The following GSE1 variants were observed in gnomAD, a reference collection of about 807,000 sequenced individuals.
GSE1 encodes the protein Gse1 coiled-coil protein, also known as genetic suppressor element 1.
A neutral mutation model predicts 112.6 loss-of-function variants in GSE1; 32 were observed. The ratio of observed to expected loss-of-function variants is 0.28; its 90% CI spans 0.21 to 0.38. The LOEUF is 0.38. Ranked by LOEUF, GSE1 falls within the 10% of genes least tolerant of loss-of-function variation. The pLI, the probability that GSE1 is intolerant of heterozygous loss-of-function variation, is 1.00. For missense variants in GSE1, 2,348 were observed against 1,699.2 expected, an observed-to-expected ratio of 1.38 and a Z score of -6.71; for synonymous variants, 1,115 against 735.6, an observed-to-expected ratio of 1.52 and a Z score of -8.35.
chr16:85,193,868 T>G lies in GSE1; in HGVS notation c.2283+22061T>G, dbSNP rs576841457. Among the ~76,000 whole-genome samples the G allele has an allele frequency of 9.8e-5, 15 of 152,332 alleles. No individual in the cohort carries two copies. In the East Asian group the frequency reaches 2.9e-3, roughly 29 times the overall value. ...TGAATGTTTCCCAGTGGTAACCTTT[T>G]GGGTAACTATAGTACAATGCCACAG... On this transcript the variant is annotated intron_variant, in intron 1 of 2. Coordinates refer to the GSE1 transcript ENST00000637419.
intron 2 of GSE1, among the ~76,000 whole-genome samples, chr16:85,374,759 C>T (rs370693426): frequency 2.6e-5 from 4 of 152,084 alleles, no homozygotes; most frequent in African/African-American, 4.8e-5. Flanking sequence ...AGGAGGGAGG[C>T]GCCCACGCAG....
At chr16:85,392,601 A>T (rs2047867889) in intron 2 of GSE1, among the ~76,000 whole-genome samples, 1 of 152,206 alleles carries the variant, frequency 6.6e-6, no homozygotes, top group Non-Finnish European at 1.5e-5. Flanking sequence ...GTTATATTGA[A>T]AAAGTATTTG....
chr16:85,508,547 C>A (rs1199284036), intron 2 of GSE1, among the ~76,000 whole-genome samples: 1 of 152,190 alleles, frequency 6.6e-6, no homozygotes, highest in East Asian at 1.9e-4. Context: ...TGAGCTTCAG[C>A]CTGGGCCTCC....
rs2050574107 is a variant in GSE1 at position 85,478,915 on chromosome 16, CTTTCTT to C, written c.2464+121274_2464+121279del. Among the ~76,000 whole-genome samples the C allele has an allele frequency of 2.1e-4, 11 of 51,328 alleles. 1 individual carries two copies. Among genetic ancestry groups the C allele is most frequent in the African/African-American group, 9.8e-4 (9 of 9,172 alleles). 33.7% of individuals were successfully genotyped at this position (51,328 alleles called of 152,430 possible). A position where few individuals can be genotyped will look rare whatever the true frequency, so the allele number is the denominator to read the frequency against. ...TCTTTCTTTCTTTCTTTCTTTCTTT[CTTTCTT>C]TCTTTCTCTTTCTTTCTTTCTTTCT... On this transcript the variant is annotated intron_variant, in intron 2 of 2. Transcript: ENST00000637419.
intron 1 of GSE1, among the ~76,000 whole-genome samples, chr16:85,353,505 G>A (rs1019450262): frequency 1.3e-5 from 2 of 151,748 alleles, no homozygotes; most frequent in East Asian, 3.9e-4. Context: ...ATTAGTTGCT[G>A]ACACTTCATC....
Position 85,661,499 on chromosome 16 carries a change from AGCCCTTCCTGCCCGGGCCCGG to A in GSE1, c.2005_2025del (p.Pro669_Leu675del), listed in dbSNP as rs1567748618. ...CGAGAGGGAGGGAGCCTGGAGCACC[AGCCCTTCCTGCCCGGGCCCGG>A]GCCCTTCCTGGCTGAGCTCGAGAAG... On this transcript the variant is annotated inframe_deletion, in exon 9 of 16. Coordinates refer to ENST00000253458, the MANE Select transcript of GSE1 (RefSeq NM_014615.5). 1 of 1,611,870 alleles carries A rather than the reference AGCCCTTCCTGCCCGGGCCCGG, an allele frequency of 6.2e-7. No homozygotes were observed.
intron 1 of GSE1, among the ~76,000 whole-genome samples, chr16:85,303,425 A>C (rs978045051): frequency 6.6e-6 from 1 of 152,138 alleles, no homozygotes; most frequent in African/African-American, 2.4e-5. Context: ...GGTGCCGCGC[A>C]TCCCCTCCTC....
chr16:85,600,587 AAC>A (rs771929185), intron 1 of GSE1, among the ~76,000 whole-genome samples: 3,889 of 146,062 alleles, frequency 0.027, 171 homozygotes, highest in African/African-American at 0.089. Flanking sequence ...ACACACCCCA[AAC>A]ACACACACAC....
chr16:85,511,832 G>C (rs1224034283), intron 2 of GSE1, among the ~76,000 whole-genome samples: 1 of 152,170 alleles, frequency 6.6e-6, no homozygotes, highest in Non-Finnish European at 1.5e-5. Flanking sequence ...TCCAGAGGGA[G>C]CAGGGCCCTG....
chr16:85,291,637 G>T (rs1043786890), intron 1 of GSE1, among the ~76,000 whole-genome samples: 2 of 152,186 alleles, frequency 1.3e-5, no homozygotes, highest in African/African-American at 4.8e-5. Context: ...TTTTCCGCCC[G>T]GCCAGCCGCA....
intron 7 of GSE1, 28 bp downstream of exon 7, chr16:85,656,693 G>T: frequency 6.8e-7 from 1 of 1,470,886 alleles, no homozygotes. Flanking sequence ...GGCTGTGCTG[G>T]GCAAGGTCTC....
chr16:85,209,802 G>A (rs552272970), intron 1 of GSE1, among the ~76,000 whole-genome samples: 5 of 152,336 alleles, frequency 3.3e-5, no homozygotes, highest in South Asian at 2.1e-4. Flanking sequence ...TGAGGGGGCC[G>A]CTGGGAGAGG....
chr16:85,618,033 G>T (rs866464297), intron 1 of GSE1, among the ~76,000 whole-genome samples: 1 of 152,160 alleles, frequency 6.6e-6, no homozygotes, highest in African/African-American at 2.4e-5. Context: ...TGTGCTTTGA[G>T]CTCTTCTAAA....
chr16:85,634,059 G>C lies in GSE1; in HGVS notation c.153G>C (p.Ser51=). 1 of 1,607,612 alleles carries C rather than the reference G, an allele frequency of 6.2e-7. No individual in the cohort carries two copies. The highest frequency in any genetic ancestry group is 2.2e-5 in the East Asian group (1 of 44,702). ...SGSPATSSAL[S]AQAAPSSSFA... is the part of the protein sequence containing the mutation. Reference sequence around the variant, plus strand: ...GCCCCGCCACCAGCAGCGCGCTGTCGGCCCAGGCCGCGCCATCCTCCAGCT... The same window carrying C: ...GCCCCGCCACCAGCAGCGCGCTGTCCGCCCAGGCCGCGCCATCCTCCAGCT... The change falls in exon 2 of 16, where the codon TCG becomes TCC. Residue 51 remains serine, a synonymous_variant. Coordinates refer to ENST00000253458, the MANE Select transcript of GSE1 (RefSeq NM_014615.5).
chr16:85,343,908 G>T (rs571664223), intron 1 of GSE1, among the ~76,000 whole-genome samples: 4 of 152,252 alleles, frequency 2.6e-5, no homozygotes, highest in South Asian at 2.1e-4. Context: ...AGCTCCTCCC[G>T]TGCCACTTGC....
chr16:85,524,326 G>A (rs1252388909), intron 2 of GSE1, among the ~76,000 whole-genome samples: 1 of 152,020 alleles, frequency 6.6e-6, no homozygotes, highest in African/African-American at 2.4e-5. Flanking sequence ...CTGCTTGCCG[G>A]CTCTGTGGCT....
Position 85,292,993 on chromosome 16 carries a change from G to A in GSE1, c.2284-64470G>A, listed in dbSNP as rs1374293098. On this transcript the variant is annotated intron_variant, in intron 1 of 2. Coordinates refer to the GSE1 transcript ENST00000637419. ...ACAATACAAGCCACATGTTTTAAGT[G>A]TCCGTTTTGAAGAGTTTTGACAAGC... is the stretch of plus-strand genomic sequence containing the variant. Among the ~76,000 whole-genome samples, 6 of 152,120 alleles carry A rather than the reference G, an allele frequency of 3.9e-5. No homozygotes were observed. The South Asian group carries it at 1.2e-3, about 32-fold the overall frequency.
chr16:85,298,150 C>T (rs1277364584), intron 1 of GSE1, among the ~76,000 whole-genome samples: 3 of 152,178 alleles, frequency 2.0e-5, no homozygotes, highest in South Asian at 4.1e-4. Flanking sequence ...ATTCGAATTC[C>T]GCAGTGCGGG....
At chr16:85,609,472 G>A (rs74655905), upstream of GSE1, among the ~76,000 whole-genome samples, 2,659 of 152,302 alleles carry the variant, frequency 0.017, 62 homozygotes, top group South Asian at 0.057. Context: ...AACCAAGTGT[G>A]AAACACAGCC....
Sources: allele counts gnomAD v4.1 joint callset (sites outside exome capture counted in the v4.1 genomes callset), GRCh38; gene constraint gnomAD v4.1.1; transcripts MANE v1.5; gene names NCBI Gene and HGNC (gene_info 2026-07-23, HGNC 2026-07-21).